The following FOXP2 variants were observed in gnomAD, a reference collection of about 807,000 sequenced individuals.
FOXP2 encodes forkhead box P2.
A neutral mutation model predicts 115.8 loss-of-function variants in FOXP2; 12 were observed. That is an observed-to-expected ratio of 0.10 (90% CI 0.07 to 0.17). The LOEUF (loss-of-function observed/expected upper bound fraction) is 0.17. Among genes scored for constraint, FOXP2 ranks in the 10% least tolerant of loss-of-function variants. The pLI is 1.00. For synonymous variants in FOXP2, 328 were observed against 297.7 expected (o/e 1.10, Z -1.05); for missense variants, 629 against 843.5 (o/e 0.75, Z 3.15).
At position 114,338,606 on chromosome 7, in the gene FOXP2, A is replaced by C. The variant is rs1377775691; in HGVS notation, c.-11+50497A>C. On this transcript the variant is annotated intron_variant, in intron 2 of 17. Coordinates refer to the FOXP2 transcript ENST00000634411. Reference sequence around the variant, plus strand: ...TCCTGAAAATTTCTTTTACTCTGTCATACATAATAAGTAAATGTCAGATTA... The same window carrying C: ...TCCTGAAAATTTCTTTTACTCTGTCCTACATAATAAGTAAATGTCAGATTA... Among the ~76,000 whole-genome samples, 3 of 151,164 alleles carry C rather than the reference A, an allele frequency of 2.0e-5. No homozygotes were observed. In the Admixed American group the frequency reaches 2.0e-4, roughly 10 times the overall value.
intron 2 of FOXP2, among the ~76,000 whole-genome samples, chr7:114,344,825 G>A (rs1297818804): frequency 6.6e-6 from 1 of 151,666 alleles, no homozygotes; most frequent in Non-Finnish European, 1.5e-5. Context: ...TGCCTAGTAT[G>A]AGCAGACATA....
rs994985357 is a variant in FOXP2, at chr7:114,690,823, T to A, written c.*897T>A. On this transcript the variant is annotated 3_prime_UTR_variant, in exon 17 of 17. Coordinates refer to ENST00000350908, the MANE Select transcript of FOXP2 (RefSeq NM_014491.4). ...CATGCTTTGGTCAGCCTTCTGTAAC[T>A]TCAATTAGTACAAAGGAACCTTTTC... 5 of 454,420 alleles carry A rather than the reference T, an allele frequency of 1.1e-5. No individual in the cohort carries two copies. The highest frequency in any genetic ancestry group is 2.2e-5 in the Non-Finnish European group (5 of 226,790). The allele number at this position is 454,420 out of a possible 1,614,324, so 28.1% of individuals were successfully genotyped here. A position where few individuals can be genotyped will look rare whatever the true frequency, so the allele number is the denominator to read the frequency against.
intron 2 of FOXP2, among the ~76,000 whole-genome samples, chr7:114,435,818 C>T (rs756332455): frequency 1.3e-5 from 2 of 152,162 alleles, no homozygotes; most frequent in African/African-American, 2.4e-5. Context: ...GGATTACAGG[C>T]GTGAGCCATT....
chr7:114,569,284 C>A (rs980589906), intron 3 of FOXP2, among the ~76,000 whole-genome samples: 1 of 151,850 alleles, frequency 6.6e-6, no homozygotes, highest in African/African-American at 2.4e-5. Flanking sequence ...ATGACTAGTT[C>A]TTCAACTTGT....
At chr7:114,566,138 A>T (rs923942922) in intron 3 of FOXP2, among the ~76,000 whole-genome samples, 1 of 152,184 alleles carries the variant, frequency 6.6e-6, no homozygotes, top group Admixed American at 6.5e-5. Context: ...AGCAAACACA[A>T]CAAAACAGTT....
chr7:114,266,235 T>C (rs1231061416), intron 1 of FOXP2, among the ~76,000 whole-genome samples: 2 of 152,144 alleles, frequency 1.3e-5, no homozygotes, highest in South Asian at 2.1e-4. Context: ...CCTCTTCCTA[T>C]TACCCAGTTC....
chr7:114,619,669 T>C (rs1296038598), intron 3 of FOXP2, among the ~76,000 whole-genome samples: 2 of 152,104 alleles, frequency 1.3e-5, no homozygotes, highest in African/African-American at 2.4e-5. Flanking sequence ...TAAAAGAAAC[T>C]GTATCCTCCT....
chr7:114,640,981 G>C (rs772877956), intron 6 of FOXP2, among the ~76,000 whole-genome samples: 23 of 152,074 alleles, frequency 1.5e-4, no homozygotes, highest in Non-Finnish European at 2.8e-4. Flanking sequence ...AAAAATGCCA[G>C]AATATAGTAA....
At chr7:114,101,900 TGTGTGTG>T in intron 1 of FOXP2, among the ~76,000 whole-genome samples, 1 of 4,864 alleles carries the variant, frequency 2.1e-4, no homozygotes, top group African/African-American at 4.8e-4. Flanking sequence ...TTCAACATTT[TGTGTGTG>T]TGTGTGTGTG....
chr7:114,117,005 T>A (rs898173135), intron 1 of FOXP2, among the ~76,000 whole-genome samples: 1 of 152,084 alleles, frequency 6.6e-6, no homozygotes, highest in African/African-American at 2.4e-5. Context: ...GAGTAGATGT[T>A]AGCAGCTTAT....
chr7:114,186,666 C>A (rs993778468), intron 1 of FOXP2, among the ~76,000 whole-genome samples: 2 of 152,132 alleles, frequency 1.3e-5, no homozygotes, highest in Admixed American at 1.3e-4. Flanking sequence ...ATGGCCTCAT[C>A]GCTGTGGTGG....
chr7:114,628,462 A>G lies in FOXP2; in HGVS notation c.259-78A>G, dbSNP rs867891179. The G allele has an allele frequency of 6.5e-5, 101 of 1,565,608 alleles. No homozygotes were observed. The African/African-American group carries it at 1.2e-3, about 18-fold the overall frequency. The stretch of plus-strand genomic sequence containing the variant: ...AATGCTAAAGAATTTATAAAAGATA[A>G]CATACTATTTGTGAAGTTGATTAAC... On this transcript the variant is annotated intron_variant, in intron 3 of 16. Transcript: ENST00000350908.
chr7:114,563,866 C>A (rs1172324585), intron 3 of FOXP2, among the ~76,000 whole-genome samples: 1 of 151,096 alleles, frequency 6.6e-6, no homozygotes. Flanking sequence ...TTCCAACGTC[C>A]CTTATCCTTT....
chr7:114,580,364 G>C (rs1016561120), intron 3 of FOXP2, among the ~76,000 whole-genome samples: 1 of 152,216 alleles, frequency 6.6e-6, no homozygotes, highest in Non-Finnish European at 1.5e-5. Flanking sequence ...GATCACCTGA[G>C]GTCAGGAGTT....
intron 3 of FOXP2, among the ~76,000 whole-genome samples, chr7:114,599,796 A>C (rs1471602133): frequency 1.3e-5 from 2 of 152,088 alleles, no homozygotes; most frequent in African/African-American, 4.8e-5. Context: ...TTCTTAAAGA[A>C]ACATTCATTT....
chr7:114,622,832 G>A lies in FOXP2; in HGVS notation c.259-5708G>A, dbSNP rs534149647. ...TTAAAAGGAAATATTTATGAATGTA[G>A]ACAAATAAAAGATTATTTTTAGCAC... is the stretch of plus-strand genomic sequence containing the variant. On this transcript the variant is annotated intron_variant, in intron 3 of 16. Transcript: ENST00000350908. Among the ~76,000 whole-genome samples, 4 of 151,898 alleles carry A rather than the reference G, an allele frequency of 2.6e-5. No homozygotes were observed. In the South Asian group the frequency reaches 8.3e-4, roughly 32 times the overall value.
At chr7:114,182,026 A>G (rs1793468546) in intron 1 of FOXP2, among the ~76,000 whole-genome samples, 1 of 152,026 alleles carries the variant, frequency 6.6e-6, no homozygotes, top group Admixed American at 6.6e-5. Context: ...TACATTTTTC[A>G]TATACTTTAA....
intron 8 of FOXP2, chr7:114,645,044 A>G (rs946569503): frequency 1.3e-5 from 4 of 306,694 alleles, no homozygotes; most frequent in Non-Finnish European, 2.5e-5. Flanking sequence ...GTCATTAATC[A>G]CTGGAGACAT....
chr7:114,423,107 G>C (rs1421035330), intron 1 of FOXP2, among the ~76,000 whole-genome samples: 2 of 151,704 alleles, frequency 1.3e-5, no homozygotes, highest in Non-Finnish European at 3.0e-5. Context: ...TTTAATGCTG[G>C]ATTATAGCAA....
Sources: allele counts gnomAD v4.1 joint callset (sites outside exome capture counted in the v4.1 genomes callset), GRCh38; gene constraint gnomAD v4.1.1; transcripts MANE v1.5; gene names NCBI Gene and HGNC (gene_info 2026-07-23, HGNC 2026-07-21).